The following STARD5 variants were observed in gnomAD, a reference collection of about 807,000 sequenced individuals.
The protein encoded by STARD5 is stAR-related lipid transfer protein 5.
Under a neutral mutation model 24.6 loss-of-function variants are expected in STARD5, and 26 were observed. The observed-to-expected ratio is 1.06, with a 90% CI of 0.77 to 1.47. The LOEUF (loss-of-function observed/expected upper bound fraction) is 1.47, where lower values mean the gene tolerates loss of function less well. Ranked by LOEUF, STARD5 falls within the 40% of genes most tolerant of loss-of-function variation. The probability of loss-of-function intolerance (pLI) is 0.00; values close to 1 mark genes in which losing one functional copy is unlikely to be tolerated. For missense variants in STARD5, 254 were observed against 270.8 expected, an observed-to-expected ratio of 0.94 and a Z score of 0.44; for synonymous variants, 101 against 99.7, an observed-to-expected ratio of 1.01 and a Z score of -0.07.
intron 4 of STARD5, among the ~76,000 whole-genome samples, chr15:81,319,077 A>G (rs1596071352): frequency 6.6e-6 from 1 of 151,136 alleles, no homozygotes; most frequent in Non-Finnish European, 1.5e-5. Context: ...TACAGCACAC[A>G]CCATGAGCTT....
chr15:81,314,893 G>GA (rs5814055), intron 5 of STARD5, among the ~76,000 whole-genome samples: 48,976 of 102,394 alleles, frequency 0.48, 12,735 homozygotes, highest in South Asian at 0.65. Context: ...CCTCAAAAAA[G>GA]AAAAAAAAAA....
intron 3 of STARD5, among the ~76,000 whole-genome samples, chr15:81,320,303 G>A (rs1333893013): frequency 1.3e-5 from 2 of 152,162 alleles, no homozygotes; most frequent in Non-Finnish European, 2.9e-5. Flanking sequence ...TTTTCATCAG[G>A]GACACTTTCG....
At chr15:81,322,321 C>A in intron 3 of STARD5, 87 bp downstream of exon 3, 1 of 1,553,820 alleles carries the variant, frequency 6.4e-7, no homozygotes, top group Non-Finnish European at 8.8e-7. Context: ...CAAAAGGTAT[C>A]ACGGACCCCT....
At chr15:81,315,700 C>T (rs941403012) in intron 5 of STARD5, among the ~76,000 whole-genome samples, 3 of 152,090 alleles carry the variant, frequency 2.0e-5, no homozygotes, top group Non-Finnish European at 4.4e-5. Context: ...CACCACCTCA[C>T]CCCCAATGAG....
At chr15:81,321,061 C>A (rs1901184283) in intron 3 of STARD5, among the ~76,000 whole-genome samples, 1 of 152,172 alleles carries the variant, frequency 6.6e-6, no homozygotes, top group African/African-American at 2.4e-5. Context: ...AAAGAGCTAC[C>A]ACTTGGCAAT....
intron 5 of STARD5, 108 bp downstream of exon 5, chr15:81,318,301 T>C: frequency 2.2e-6 from 2 of 905,556 alleles, no homozygotes; most frequent in Non-Finnish European, 3.6e-6. Flanking sequence ...CTATAAGGCA[T>C]TTTTCTTCTT....
At chr15:81,318,330 G>C in intron 5 of STARD5, 79 bp downstream of exon 5, 1 of 1,169,914 alleles carries the variant, frequency 8.5e-7, no homozygotes, top group Non-Finnish European at 1.3e-6. Flanking sequence ...TAGTCAAAGT[G>C]CCCCTTTTCA....
rs953572877 is a variant in STARD5, at chr15:81,313,744, T to C, written c.495-341A>G. ...CCAGGCCCTGAGAGGAACGAAGAGA[T>C]GCTGCCCTTCACTATTTAGGGTCTG... On this transcript the variant is annotated intron_variant, in intron 5 of 5. Coordinates refer to ENST00000302824, the MANE Select transcript of STARD5 (RefSeq NM_181900.3). 4.0e-4 allele frequency: 69 copies of C among 173,252 alleles called. 1 individual carries two copies. Among genetic ancestry groups the C allele is most frequent in the African/African-American group, 1.5e-3 (62 of 42,360 alleles). 10.7% of individuals were successfully genotyped at this position (173,252 alleles called of 1,614,324 possible).
Position 81,322,461 on chromosome 15 carries a change from C to A in STARD5, c.229G>T (p.Val77Leu). The A allele has an allele frequency of 6.2e-7, 1 of 1,614,236 alleles. No homozygotes were observed. Among genetic ancestry groups the A allele is most frequent in the African/African-American group, 1.3e-5 (1 of 75,054 alleles). Residue 77 changes from valine to leucine, a missense_variant, in exon 3 of 6, where the codon GTG becomes TTG. Val to Leu is a conservative substitution (Grantham distance 32). Transcript: ENST00000302824. ...CCGGTCACATTCTCATCCCACTTCACTCGTAGGCCTCCAACAGCTGGCTTC... is the reference window on the plus strand; with the variant it reads ...CCGGTCACATTCTCATCCCACTTCAATCGTAGGCCTCCAACAGCTGGCTTC... ...CVKPAVGGLRVKWDENVTGFE... is the reference protein window; with the variant it reads ...CVKPAVGGLRLKWDENVTGFE...
chr15:81,313,082 A>G lies in STARD5; in HGVS notation c.*174T>C. The G allele has an allele frequency of 1.5e-6, 1 of 652,098 alleles. No homozygotes were observed. 40.4% of individuals were successfully genotyped at this position (652,098 alleles called of 1,614,324 possible). A position where few individuals can be genotyped will look rare whatever the true frequency, so the allele number is the denominator to read the frequency against. ...ACACGCCAACCCTGAGTGGGGCAGGAGGCAGGAAGGGTGGGCTGCCGCCTC... is the reference window on the plus strand; with the variant it reads ...ACACGCCAACCCTGAGTGGGGCAGGGGGCAGGAAGGGTGGGCTGCCGCCTC... On this transcript the variant is annotated 3_prime_UTR_variant, in exon 6 of 6. Coordinates refer to ENST00000302824, the MANE Select transcript of STARD5 (RefSeq NM_181900.3).
rs1254405215 is a variant in STARD5 at position 81,312,160 on chromosome 15, A to AAC, written c.*1095_*1096insGT. ...GCAGATGAGGTTGCTAGAGAATGTT[A>AAC]GAGGATCCCTCTCTGGATTGGAGAT... On this transcript the variant is annotated 3_prime_UTR_variant, in exon 6 of 6. Coordinates refer to ENST00000302824, the MANE Select transcript of STARD5 (RefSeq NM_181900.3). 1 of 152,274 alleles carries AAC rather than the reference A, an allele frequency of 6.6e-6. No homozygotes were observed. The highest frequency in any genetic ancestry group is 1.5e-5 in the Non-Finnish European group (1 of 68,074). 9.4% of individuals were successfully genotyped at this position (152,274 alleles called of 1,614,324 possible). A position where few individuals can be genotyped will look rare whatever the true frequency, so the allele number is the denominator to read the frequency against.
In STARD5 at chr15:81,311,107, C is replaced by T. The variant is rs1347455862; in HGVS notation, c.*2149G>A. On this transcript the variant is annotated 3_prime_UTR_variant, in exon 6 of 6. Transcript: ENST00000302824. ...GCTCATCCATTTGCGTTCCATGATG[C>T]TGGGATTTACACTTGAGGCTTAGCT... 3 of 152,198 alleles carry T rather than the reference C, an allele frequency of 2.0e-5. No homozygotes were observed. Among genetic ancestry groups the T allele is most frequent in the East Asian group, 1.9e-4 (1 of 5,198 alleles). The allele number at this position is 152,198 out of a possible 1,614,324, so 9.4% of individuals were successfully genotyped here.
intron 5 of STARD5, among the ~76,000 whole-genome samples, chr15:81,315,070 G>T (rs1051762710): frequency 6.6e-6 from 1 of 151,912 alleles, no homozygotes; most frequent in Non-Finnish European, 1.5e-5. Flanking sequence ...AACTCCAGGG[G>T]ACAGAGACTT....
At chr15:81,322,798 CAGGTTAT>C in intron 2 of STARD5, 94 bp downstream of exon 2, 1 of 1,477,566 alleles carries the variant, frequency 6.8e-7, no homozygotes, top group Non-Finnish European at 9.4e-7. Flanking sequence ...CAAGTGATCA[CAGGTTAT>C]AGGGTTGATT....
chr15:81,314,840 T>G (rs1901040766), intron 5 of STARD5, among the ~76,000 whole-genome samples: 1 of 133,736 alleles, frequency 7.5e-6, no homozygotes, highest in East Asian at 2.3e-4. Context: ...GAGCCGAGAT[T>G]ACACCATTGC....
chr15:81,323,999 A>C lies in STARD5; in HGVS notation c.99+2T>G. On this transcript the variant is annotated splice_donor_variant, in intron 1 of 5. Transcript: ENST00000302824. LOFTEE classifies it high-confidence loss of function. ...CCCCTTCCCGCCCAGCTCCTCACTC[A>C]CGCCTTCCCGGCAAATCTTCCAGCC... is the stretch of plus-strand genomic sequence containing the variant. 6.3e-7 allele frequency: 1 copy of C among 1,592,982 alleles called. No homozygotes were observed. Among genetic ancestry groups the C allele is most frequent in the Non-Finnish European group, 8.6e-7 (1 of 1,169,062 alleles).
intron 5 of STARD5, 140 bp downstream of exon 5, chr15:81,318,269 T>C: frequency 1.5e-6 from 1 of 685,034 alleles, no homozygotes; most frequent in Non-Finnish European, 2.6e-6. Flanking sequence ...GAAAGTATTT[T>C]GTATCGTCAC....
At chr15:81,315,954 C>T (rs1301380184) in intron 5 of STARD5, among the ~76,000 whole-genome samples, 1 of 152,152 alleles carries the variant, frequency 6.6e-6, no homozygotes, top group Admixed American at 6.5e-5. Flanking sequence ...CCAGTGGCTT[C>T]CCATTTTATT....
chr15:81,320,755 A>G (rs1901178420), intron 3 of STARD5, among the ~76,000 whole-genome samples: 1 of 152,202 alleles, frequency 6.6e-6, no homozygotes, highest in Non-Finnish European at 1.5e-5. Context: ...TTGAAAAAAA[A>G]ATCATACTGC....
Sources: allele counts gnomAD v4.1 joint callset (sites outside exome capture counted in the v4.1 genomes callset), GRCh38; gene constraint gnomAD v4.1.1; transcripts MANE v1.5; gene names NCBI Gene and HGNC (gene_info 2026-07-23, HGNC 2026-07-21).